The following MARK4 variants were observed in gnomAD, a reference collection of about 807,000 sequenced individuals.
MARK4 encodes microtubule affinity regulating kinase 4, also known as MAP/microtubule affinity-regulating kinase 4.
In MARK4, 19 loss-of-function variants were observed where a neutral mutation model predicts 81.5. That is an observed-to-expected ratio of 0.23 (90% CI 0.16 to 0.34). The LOEUF is 0.34. Ranked by LOEUF, MARK4 falls within the 10% of genes least tolerant of loss-of-function variation. The pLI is 1.00. For missense variants in MARK4, 772 were observed against 1,058.8 expected (o/e 0.73, Z 3.76); for synonymous variants, 436 against 439.0 (o/e 0.99, Z 0.08).
At chr19:45,299,887 T>G (rs1243413217) in intron 16 of MARK4, 32 bp downstream of exon 16, 1 of 1,579,490 alleles carries the variant, frequency 6.3e-7, no homozygotes, top group East Asian at 2.3e-5. Context: ...TGACTGCCAC[T>G]TCCCCTCTCC....
intron 6 of MARK4, 129 bp from the exon 7 acceptor site, chr19:45,266,096 G>A (rs1865312145): frequency 4.4e-6 from 4 of 899,256 alleles, no homozygotes. Context: ...GAATCAGGGT[G>A]TGAGGCCCCA....
chr19:45,301,763 G>A (rs1393364341), intron 16 of MARK4, among the ~76,000 whole-genome samples: 2 of 151,190 alleles, frequency 1.3e-5, no homozygotes, highest in Admixed American at 6.6e-5. Flanking sequence ...TACTCAGGAG[G>A]CTATGGCAGG....
intron 7 of MARK4, among the ~76,000 whole-genome samples, chr19:45,268,608 T>C (rs931428178): frequency 8.7e-5 from 13 of 149,882 alleles, no homozygotes; most frequent in African/African-American, 2.7e-4. Context: ...GAAAAAAAAT[T>C]AGCTTGTATG....
At position 45,251,497 on chromosome 19, in the gene MARK4, C is replaced by T. The variant is rs993392714; in HGVS notation, c.-92C>T. 1.3e-4 allele frequency: 101 copies of T among 776,164 alleles called. No homozygotes were observed. The highest frequency in any genetic ancestry group is 1.8e-4 in the Non-Finnish European group (92 of 523,456). 48.1% of individuals were successfully genotyped at this position (776,164 alleles called of 1,614,324 possible). On this transcript the variant is annotated 5_prime_UTR_variant, in exon 1 of 17. Coordinates refer to ENST00000262891, the MANE Select transcript of MARK4 (RefSeq NM_001199867.2). The stretch of plus-strand genomic sequence containing the variant: ...GGCGCCCAGCTTTTGAGCTCGCGTC[C>T]CCAGGCCGGCGGGGGGGGAGGGGAA...
intron 8 of MARK4, among the ~76,000 whole-genome samples, chr19:45,273,276 G>A (rs577617089): frequency 6.6e-5 from 10 of 152,292 alleles, no homozygotes; most frequent in African/African-American, 1.4e-4. Flanking sequence ...CTATCTGTCT[G>A]TATTTGCACA....
At position 45,251,657 on chromosome 19, in the gene MARK4, C is replaced by A; in HGVS notation, c.51+18C>A. 1 of 1,521,242 alleles carries A rather than the reference C, an allele frequency of 6.6e-7. No homozygotes were observed. The allele number at this position is 1,521,242 out of a possible 1,614,324, so 94.2% of individuals were successfully genotyped here. On this transcript the variant is annotated intron_variant, in intron 1 of 16. Transcript: ENST00000262891. ...CGGACACGGTGAGTGGGGCCCGGCC[C>A]CTTGGGGAGCCCTGGCTGGGTCCAG...
chr19:45,256,376 T>TCAAC (rs1970308146), intron 1 of MARK4, among the ~76,000 whole-genome samples: 1 of 152,196 alleles, frequency 6.6e-6, no homozygotes, highest in Non-Finnish European at 1.5e-5. Flanking sequence ...AGGCAGAGGT[T>TCAAC]GCAGTGAGCC....
chr19:45,281,713 G>T (rs1970676980), intron 12 of MARK4, among the ~76,000 whole-genome samples: 1 of 152,110 alleles, frequency 6.6e-6, no homozygotes, highest in South Asian at 2.1e-4. Flanking sequence ...CTCTGGTCCA[G>T]GATGAAGCTC....
rs1211383203 is a variant in MARK4, at chr19:45,305,022, G to A, written c.*2312G>A. 6.6e-6 allele frequency: 1 copy of A among 152,456 alleles called. No homozygotes were observed. Among genetic ancestry groups the A allele is most frequent in the Non-Finnish European group, 1.5e-5 (1 of 68,238 alleles). The allele number at this position is 152,456 out of a possible 1,614,324, so 9.4% of individuals were successfully genotyped here. ...TTGTAGGTAGGGTAGAGATGGGCGGGTTTGTGCTATGTGCAGGGTGGAAGG... is the reference window on the plus strand; with the variant it reads ...TTGTAGGTAGGGTAGAGATGGGCGGATTTGTGCTATGTGCAGGGTGGAAGG... On this transcript the variant is annotated 3_prime_UTR_variant, in exon 17 of 17. Transcript: ENST00000262891.
chr19:45,302,191 A>G lies in MARK4; in HGVS notation c.1923-183A>G, dbSNP rs550988703. Among the ~76,000 whole-genome samples the G allele has an allele frequency of 1.3e-4, 20 of 152,324 alleles. No homozygotes were observed. In the South Asian group the frequency reaches 2.7e-3, roughly 21 times the overall value. On this transcript the variant is annotated intron_variant, in intron 16 of 16. Transcript: ENST00000262891. This position sits in a 1 kb window ranked among gnomAD's most constrained non-coding sequence, Gnocchi z 4.9. ...CACACCTGGTTGCAAGGGAGGCTGG[A>G]AAGTGTGGTCTCTAGCTGGGCAGCT...
At chr19:45,280,985 C>G (rs1206374922) in intron 12 of MARK4, among the ~76,000 whole-genome samples, 3 of 151,980 alleles carry the variant, frequency 2.0e-5, no homozygotes, top group Admixed American at 1.3e-4. Context: ...CTTGCTTCCT[C>G]TCTGCTTGTG....
intron 8 of MARK4, among the ~76,000 whole-genome samples, chr19:45,272,643 T>G (rs996517636): frequency 2.0e-5 from 3 of 152,102 alleles, no homozygotes; most frequent in African/African-American, 7.2e-5. Flanking sequence ...TTCCCAGCAC[T>G]TTGGGAGGCC....
intron 8 of MARK4, among the ~76,000 whole-genome samples, chr19:45,276,032 T>G (rs563011635): frequency 7.8e-4 from 118 of 152,140 alleles, no homozygotes; most frequent in African/African-American, 2.4e-3. Flanking sequence ...GTTTTTTTTG[T>G]TGTCTGTTTG....
intron 13 of MARK4, among the ~76,000 whole-genome samples, chr19:45,291,773 C>T (rs888066391): frequency 1.3e-5 from 2 of 152,120 alleles, no homozygotes; most frequent in Admixed American, 1.3e-4. Flanking sequence ...CAGGGTGGGA[C>T]TCTGTCTCAA....
chr19:45,286,917 A>C (rs1287520468), intron 12 of MARK4, among the ~76,000 whole-genome samples: 1 of 152,122 alleles, frequency 6.6e-6, no homozygotes, highest in Non-Finnish European at 1.5e-5. Context: ...GTCCGTCATG[A>C]AGATCATTCT....
At position 45,264,590 on chromosome 19, in the gene MARK4, G is replaced by A. The variant is rs1970425788; in HGVS notation, c.356-94G>A. ...GCCATTGAGTGTTGAGTTGGGGTGG[G>A]GGTGTTATGGTTGGCACATTTGCAT... On this transcript the variant is annotated intron_variant, in intron 4 of 16. Transcript: ENST00000262891. 4 of 1,156,148 alleles carry A rather than the reference G, an allele frequency of 3.5e-6. No homozygotes were observed. In the African/African-American group the frequency reaches 4.5e-5, roughly 13 times the overall value. The allele number at this position is 1,156,148 out of a possible 1,614,324, so 71.6% of individuals were successfully genotyped here. A position where few individuals can be genotyped will look rare whatever the true frequency, so the allele number is the denominator to read the frequency against.
chr19:45,253,505 C>T (rs36073297), intron 1 of MARK4, among the ~76,000 whole-genome samples: 38,506 of 151,924 alleles, frequency 0.25, 5,078 homozygotes, highest in Non-Finnish European at 0.29. Flanking sequence ...AAGGCTTACT[C>T]GATTCAGGCG....
chr19:45,274,044 G>T (rs147097580), intron 8 of MARK4, among the ~76,000 whole-genome samples: 1,617 of 152,124 alleles, frequency 0.011, 31 homozygotes, highest in African/African-American at 0.036. Flanking sequence ...GGTCAGGAGA[G>T]CGAGACCATC....
intron 6 of MARK4, among the ~76,000 whole-genome samples, chr19:45,265,816 T>G (rs1309367387): frequency 2.0e-5 from 3 of 149,950 alleles, no homozygotes; most frequent in Non-Finnish European, 3.0e-5. Context: ...TGTGCAGGTG[T>G]GAGGGTGCCG....
Sources: gnomAD v4.1 joint callset for allele counts (sites outside exome capture counted in the v4.1 genomes callset) on GRCh38, gnomAD v4.1.1 for gene constraint, Gnocchi (gnomAD v3.1) non-coding constraint, MANE v1.5 for transcripts, NCBI Gene and HGNC (gene_info 2026-07-23, HGNC 2026-07-21) for gene names.